FLYWCH1: variants seen among roughly 807,000 people sequenced by gnomAD.
The protein encoded by FLYWCH1 is FLYWCH-type zinc finger 1.
A neutral mutation model predicts 66.4 loss-of-function variants in FLYWCH1; 75 were observed. The observed-to-expected ratio is 1.13, with a 90% confidence interval of 0.94 to 1.37. The LOEUF (loss-of-function observed/expected upper bound fraction) is 1.37, where lower values mean the gene tolerates loss of function less well. FLYWCH1 is among the 40% of genes most tolerant of loss of function. The probability of loss-of-function intolerance (pLI) is 0.00; values close to 1 mark genes in which losing one functional copy is unlikely to be tolerated. For missense variants in FLYWCH1, 1,334 were observed against 1,001.8 expected (o/e 1.33, Z -4.48); for synonymous variants, 595 against 429.9 (o/e 1.38, Z -4.75).
chr16:2,923,908 G>A (rs138343824), intron 2 of FLYWCH1, among the ~76,000 whole-genome samples: 135 of 152,154 alleles, frequency 8.9e-4, no homozygotes, highest in East Asian at 2.1e-3. Context: ...GCATGTTGGC[G>A]GGCACCTGTA....
At chr16:2,940,451 T>G (rs1038408817) in intron 9 of FLYWCH1, among the ~76,000 whole-genome samples, 16 of 152,202 alleles carry the variant, frequency 1.1e-4, no homozygotes, top group Non-Finnish European at 2.2e-4. Context: ...ATTATTTTAT[T>G]TTTTGAGATG....
At chr16:2,947,433 G>A (rs1229425409) in intron 9 of FLYWCH1, among the ~76,000 whole-genome samples, 1 of 152,032 alleles carries the variant, frequency 6.6e-6, no homozygotes, top group Non-Finnish European at 1.5e-5. Context: ...GGATTTTATG[G>A]GATGTGAATT....
chr16:2,944,689 G>C (rs191224011), intron 9 of FLYWCH1, among the ~76,000 whole-genome samples: 1 of 151,050 alleles, frequency 6.6e-6, no homozygotes, highest in Admixed American at 6.6e-5. Flanking sequence ...TAGGCATGGT[G>C]GCGCCAGCCT....
chr16:2,930,600 C>A lies in FLYWCH1; in HGVS notation c.516C>A (p.His172Gln). The change falls in exon 4 of 10, where the codon CAC becomes CAA. Residue 172 changes from histidine to glutamine, a missense_variant. Physicochemically the swap from His to Gln is conservative, Grantham distance 24 (BLOSUM62 0). Transcript: ENST00000253928. ...RGLRATVMRG[H>Q]CHAPDEQGLE... ...TGCGGGCCACAGTGATGCGGGGCCACTGCCACGCGCCCGATGAGCAAGGCC... is the reference window on the plus strand; with the variant it reads ...TGCGGGCCACAGTGATGCGGGGCCAATGCCACGCGCCCGATGAGCAAGGCC... 1 of 1,552,658 alleles carries A rather than the reference C, an allele frequency of 6.4e-7. No homozygotes were observed. Among genetic ancestry groups the A allele is most frequent in the Non-Finnish European group, 8.7e-7 (1 of 1,149,208 alleles).
chr16:2,939,538 C>CAGCCTGGCCAACATGGGGAAACCT (rs1567348541), intron 8 of FLYWCH1, among the ~76,000 whole-genome samples: 1 of 108,620 alleles, frequency 9.2e-6, no homozygotes. Flanking sequence ...TGGTGAAACC[C>CAGCCTGGCCAACATGGGGAAACCT]TGTCTCTAAA....
rs755264933 is a variant in FLYWCH1 at position 2,948,698 on chromosome 16, G to A, written c.2122G>A (p.Asp708Asn). ...ESQQIYGDIKDVRLDGESQ is the reference protein window; with the variant it reads ...ESQQIYGDIKNVRLDGESQ ...TCTCTTTGTAATTAGGGACATCAAA[G>A]ACGTCAGACTGGATGGCGAGTCCCA... The change falls in exon 10 of 10, where the codon GAC (aspartate) becomes AAC (asparagine). Residue 708 changes from aspartate (D) to asparagine (N), a missense_variant. Asp to Asn is a conservative substitution (Grantham distance 23). Transcript: ENST00000253928. The A allele has an allele frequency of 6.2e-7, 1 of 1,613,894 alleles. No homozygotes were observed. Among genetic ancestry groups the A allele is most frequent in the Non-Finnish European group, 8.5e-7 (1 of 1,179,790 alleles).
At position 2,934,677 on chromosome 16, in the gene FLYWCH1, C is replaced by T. The variant is rs764743180; in HGVS notation, c.1513+698C>T. On this transcript the variant is annotated intron_variant, in intron 6 of 9. Coordinates refer to ENST00000253928, the MANE Select transcript of FLYWCH1 (RefSeq NM_001308068.2). ...GCAGCTTTTGGGTCATGTGAGTTGC[C>T]TCATGGCCCTAAAGTTCTCTCGGAC... The T allele has an allele frequency of 9.2e-5, 42 of 456,680 alleles. 1 individual carries two copies. Among genetic ancestry groups the T allele is most frequent in the Non-Finnish European group, 1.6e-4 (36 of 226,976 alleles). The allele number at this position is 456,680 out of a possible 1,614,324, so 28.3% of individuals were successfully genotyped here.
chr16:2,931,886 G>C (rs1194604878), intron 4 of FLYWCH1, among the ~76,000 whole-genome samples: 1 of 152,078 alleles, frequency 6.6e-6, no homozygotes, highest in Non-Finnish European at 1.5e-5. Context: ...GGTCGAGGTG[G>C]GCGGATCACG....
intron 2 of FLYWCH1, among the ~76,000 whole-genome samples, chr16:2,927,257 C>T (rs774411553): frequency 6.6e-6 from 1 of 152,120 alleles, no homozygotes; most frequent in Non-Finnish European, 1.5e-5. Flanking sequence ...GCACACTGCA[C>T]GCGATCATTG....
At chr16:2,927,822 A>C (rs550286762) in intron 2 of FLYWCH1, among the ~76,000 whole-genome samples, 1 of 152,344 alleles carries the variant, frequency 6.6e-6, no homozygotes, top group South Asian at 2.1e-4. Context: ...ACACAGAGAC[A>C]AAGTATATAG....
In FLYWCH1 at chr16:2,950,773, A is replaced by G. The variant is rs1468412654; in HGVS notation, c.*2046A>G. On this transcript the variant is annotated 3_prime_UTR_variant, in exon 10 of 10. Coordinates refer to ENST00000253928, the MANE Select transcript of FLYWCH1 (RefSeq NM_001308068.2). The stretch of plus-strand genomic sequence containing the variant: ...TCTGCCTCACGCCTGCTTTGACCTT[A>G]GAAGACAGACGGCAGCTCGCGTTGC... The G allele has an allele frequency of 1.3e-5, 2 of 152,288 alleles. No individual in the cohort carries two copies. The highest frequency in any genetic ancestry group is 4.8e-5 in the African/African-American group (2 of 41,468). The allele number at this position is 152,288 out of a possible 1,614,324, so 9.4% of individuals were successfully genotyped here. A position where few individuals can be genotyped will look rare whatever the true frequency, so the allele number is the denominator to read the frequency against.
chr16:2,940,213 G>A (rs1410748504), intron 9 of FLYWCH1, 121 bp downstream of exon 9: 4 of 628,452 alleles, frequency 6.4e-6, no homozygotes, highest in Non-Finnish European at 1.2e-5. Flanking sequence ...GGTTGGGCTG[G>A]GTGGTTCTGA....
intron 2 of FLYWCH1, among the ~76,000 whole-genome samples, chr16:2,916,516 A>T (rs1434837908): frequency 1.3e-5 from 2 of 152,046 alleles, no homozygotes; most frequent in Non-Finnish European, 2.9e-5. Flanking sequence ...AGGTGCCTGT[A>T]GTCTCAGCTA....
intron 2 of FLYWCH1, among the ~76,000 whole-genome samples, chr16:2,920,513 A>T (rs1185587848): frequency 3.5e-5 from 2 of 57,840 alleles, no homozygotes; most frequent in Admixed American, 1.7e-4. Context: ...CTCTGTCTTA[A>T]AAAAAAAAAA....
chr16:2,935,396 C>T (rs1467130291), intron 6 of FLYWCH1: 1 of 152,320 alleles, frequency 6.6e-6, no homozygotes, highest in Non-Finnish European at 1.5e-5. Context: ...TCCACAACCG[C>T]AGGTTGCTGG....
At chr16:2,942,874 G>A (rs1016964278) in intron 9 of FLYWCH1, among the ~76,000 whole-genome samples, 4 of 151,892 alleles carry the variant, frequency 2.6e-5, no homozygotes, top group Non-Finnish European at 4.4e-5. Context: ...GCTAATTTTT[G>A]TATTTTTAGT....
intron 2 of FLYWCH1, among the ~76,000 whole-genome samples, chr16:2,920,305 T>C (rs1255744723): frequency 4.0e-5 from 6 of 151,800 alleles, no homozygotes; most frequent in Non-Finnish European, 8.8e-5. Flanking sequence ...AGGCCAGGAG[T>C]TCGAGACCAG....
chr16:2,934,491 C>T (rs2070914405), intron 6 of FLYWCH1: 7 of 373,722 alleles, frequency 1.9e-5, no homozygotes, highest in Non-Finnish European at 2.7e-5. Context: ...CACGGTCGGC[C>T]CCCCGCAGTG....
In FLYWCH1 at chr16:2,933,749, G is replaced by A. The variant is rs1411132740; in HGVS notation, c.1283G>A (p.Gly428Asp). The change falls in exon 6 of 10, where the codon GGC becomes GAC. Residue 428 changes from glycine to aspartate, a missense_variant. Physicochemically the swap from Gly to Asp is moderately conservative, Grantham distance 94. Coordinates refer to ENST00000253928, the MANE Select transcript of FLYWCH1 (RefSeq NM_001308068.2). ...GPEFLKTPLG[G>D]SFLVYESFLY... The stretch of plus-strand genomic sequence containing the variant: ...GAGTTCCTGAAGACGCCCCTGGGGG[G>A]CAGCTTCCTGGTGTACGAGTCCTTC... The A allele has an allele frequency of 3.7e-6, 6 of 1,613,246 alleles. No homozygotes were observed. The highest frequency in any genetic ancestry group is 5.1e-6 in the Non-Finnish European group (6 of 1,179,652).
Sources: allele counts gnomAD v4.1 joint callset (sites outside exome capture counted in the v4.1 genomes callset), GRCh38; gene constraint gnomAD v4.1.1; transcripts MANE v1.5; gene names NCBI Gene and HGNC (gene_info 2026-07-23, HGNC 2026-07-21).